The following CXADR variants were observed in gnomAD, a reference collection of about 807,000 sequenced individuals.
CXADR encodes the protein CXADR cell adhesion molecule.
A neutral mutation model predicts 40.3 loss-of-function variants in CXADR; 20 were observed. The ratio of observed to expected loss-of-function variants is 0.50; its 90% CI spans 0.35 to 0.72. CXADR has a LOEUF of 0.72. Among genes scored for constraint, CXADR ranks in the 30% least tolerant of loss-of-function variants. The pLI is 0.01. For missense variants in CXADR, 332 were observed against 449.1 expected (o/e 0.74, Z 2.36); for synonymous variants, 150 against 161.3 (o/e 0.93, Z 0.53).
At chr21:17,522,386 G>A (rs1169822838) in intron 1 of CXADR, among the ~76,000 whole-genome samples, 2 of 152,092 alleles carry the variant, frequency 1.3e-5, no homozygotes, top group Non-Finnish European at 2.9e-5. Context: ...GACCTCAGGT[G>A]ATCCGCCCGC....
At chr21:17,578,732 G>A (rs1030801632) in intron 7 of CXADR, among the ~76,000 whole-genome samples, 3 of 152,192 alleles carry the variant, frequency 2.0e-5, no homozygotes, top group Admixed American at 2.0e-4. Context: ...AGGAGGCTGA[G>A]GTGGGAGGAT....
chr21:17,546,749 GA>G (rs2060902241), intron 1 of CXADR, among the ~76,000 whole-genome samples: 1 of 152,170 alleles, frequency 6.6e-6, no homozygotes, highest in African/African-American at 2.4e-5. Flanking sequence ...CTTGCATATA[GA>G]AACCTTCTAC....
intron 7 of CXADR, among the ~76,000 whole-genome samples, chr21:17,587,628 G>A (rs2061407142): frequency 6.6e-6 from 1 of 152,132 alleles, no homozygotes; most frequent in Non-Finnish European, 1.5e-5. Flanking sequence ...TGTAGATTCT[G>A]GATATTAGCC....
chr21:17,594,087 AC>A, downstream of CXADR: 3 of 1,611,666 alleles, frequency 1.9e-6, no homozygotes, highest in Non-Finnish European at 2.5e-6. Flanking sequence ...ACAATCAAAA[AC>A]GAAGTTAGTG....
downstream of CXADR, among the ~76,000 whole-genome samples, chr21:17,595,309 A>T (rs189639642): frequency 1.2e-3 from 178 of 152,126 alleles, no homozygotes; most frequent in Middle Eastern, 3.4e-3. Flanking sequence ...GGATTTTTTT[A>T]AAAAAATTAT....
intron 7 of CXADR, among the ~76,000 whole-genome samples, chr21:17,592,037 G>A (rs970188168): frequency 1.3e-5 from 2 of 151,734 alleles, no homozygotes; most frequent in African/African-American, 2.4e-5. Flanking sequence ...TCTTCTATGA[G>A]TAATAACATC....
chr21:17,532,797 A>G (rs2060694693), intron 1 of CXADR, among the ~76,000 whole-genome samples: 1 of 152,224 alleles, frequency 6.6e-6, no homozygotes, highest in Non-Finnish European at 1.5e-5. Flanking sequence ...AGAGGTTTAC[A>G]TGTGTTATTT....
At chr21:17,587,207 A>T (rs1261356889) in intron 7 of CXADR, among the ~76,000 whole-genome samples, 16 of 152,190 alleles carry the variant, frequency 1.1e-4, no homozygotes, top group Non-Finnish European at 2.2e-4. Flanking sequence ...CTACGTGTGC[A>T]TGTGTCCTTA....
intron 1 of CXADR, among the ~76,000 whole-genome samples, chr21:17,526,533 A>G (rs1002524041): frequency 1.3e-5 from 2 of 152,184 alleles, no homozygotes; most frequent in African/African-American, 4.8e-5. Flanking sequence ...GCATTTATGG[A>G]AAGGTCCAAA....
intron 6 of CXADR, among the ~76,000 whole-genome samples, chr21:17,562,780 T>G (rs758923465): frequency 9.9e-5 from 15 of 152,242 alleles, no homozygotes; most frequent in Admixed American, 8.5e-4. Flanking sequence ...TGCTTCACTT[T>G]GTATTTTTAT....
At position 17,584,461 on chromosome 21, in the gene CXADR, C is replaced by T. The variant is rs369341685; in HGVS notation, c.1018-8691C>T. 5.9e-4 allele frequency among the ~76,000 whole-genome samples: 90 copies of T among 152,326 alleles called. 1 individual carries two copies. In the South Asian group the frequency reaches 0.018, roughly 31 times the overall value. ...TCACAAGTTTGGTTATTCTGTCTTG[C>T]AAACGTTCAAATGGTTCCTAATGTA... On this transcript the variant is annotated intron_variant, in intron 7 of 7. Transcript: ENST00000400169.
At chr21:17,516,163 G>A (rs1401341132) in intron 1 of CXADR, among the ~76,000 whole-genome samples, 2 of 152,252 alleles carry the variant, frequency 1.3e-5, no homozygotes, top group African/African-American at 2.4e-5. Context: ...CAAGCAACCC[G>A]AGAGGGTATT....
Position 17,567,996 on chromosome 21 carries a change from T to C in CXADR, c.*2304T>C. ...CAAATAGTACCAATACGTTTTCAAGTAGTTCTCACTGATAATTTAGTTGAA... is the reference window on the plus strand; with the variant it reads ...CAAATAGTACCAATACGTTTTCAAGCAGTTCTCACTGATAATTTAGTTGAA... On this transcript the variant is annotated 3_prime_UTR_variant, in exon 7 of 7. Coordinates refer to ENST00000284878, the MANE Select transcript of CXADR (RefSeq NM_001338.5). 2.0e-6 allele frequency: 2 copies of C among 985,300 alleles called. No homozygotes were observed. The highest frequency in any genetic ancestry group is 2.4e-6 in the Non-Finnish European group (2 of 829,854). 61.0% of individuals were successfully genotyped at this position (985,300 alleles called of 1,614,324 possible).
chr21:17,604,788 C>T, the CXADR span: 15 of 1,496,674 alleles, frequency 1.0e-5, no homozygotes, highest in Admixed American at 2.1e-5. Context: ...ACAGGCAGGC[C>T]GTACATGACA....
At chr21:17,589,277 G>A (rs1444689994) in intron 7 of CXADR, among the ~76,000 whole-genome samples, 1 of 151,954 alleles carries the variant, frequency 6.6e-6, no homozygotes, top group Non-Finnish European at 1.5e-5. Context: ...TAGCCACATT[G>A]CAATTGTTTA....
chr21:17,610,852 C>A, the CXADR span, among the ~76,000 whole-genome samples: 963 of 152,336 alleles, frequency 6.3e-3, 59 homozygotes, highest in East Asian at 0.13. Flanking sequence ...ACTGCTCTTT[C>A]AGTCTCTCTT....
the CXADR span, among the ~76,000 whole-genome samples, chr21:17,610,441 G>C: frequency 6.6e-6 from 1 of 152,158 alleles, no homozygotes; most frequent in East Asian, 1.9e-4. Context: ...AAAAACTAGT[G>C]GATCTATCAG....
chr21:17,549,530 A>G (rs2060939815), intron 2 of CXADR, among the ~76,000 whole-genome samples: 1 of 152,248 alleles, frequency 6.6e-6, no homozygotes, highest in African/African-American at 2.4e-5. Context: ...CTGATCAGTG[A>G]GAGCCACTTC....
chr21:17,635,640 T>G, the CXADR span, among the ~76,000 whole-genome samples: 1 of 152,236 alleles, frequency 6.6e-6, no homozygotes, highest in East Asian at 1.9e-4. Context: ...TTGAGCTTTC[T>G]TCTAGCCTTT....
Sources: gnomAD v4.1 joint callset for allele counts (sites outside exome capture counted in the v4.1 genomes callset) on GRCh38, gnomAD v4.1.1 for gene constraint, MANE v1.5 for transcripts, NCBI Gene and HGNC (gene_info 2026-07-23, HGNC 2026-07-21) for gene names.